Variants in LRFN2 observed in about 807,000 individuals in gnomAD.
The protein encoded by LRFN2 is leucine-rich repeat and fibronectin type-III domain-containing protein 2.
In LRFN2, 18 loss-of-function variants were observed where a neutral mutation model predicts 37.3. The observed-to-expected ratio is 0.48, with a 90% CI of 0.33 to 0.72. LRFN2 has a LOEUF of 0.72. Among genes scored for constraint, LRFN2 ranks in the 30% least tolerant of loss-of-function variants. LRFN2 has a pLI of 0.02. For synonymous variants in LRFN2, 556 were observed against 466.6 expected (o/e 1.19, Z -2.47); for missense variants, 1,006 against 1,060.7 (o/e 0.95, Z 0.72).
intron 1 of LRFN2, among the ~76,000 whole-genome samples, chr6:40,451,328 T>C (rs187758842): frequency 3.8e-4 from 58 of 152,324 alleles, no homozygotes; most frequent in African/African-American, 1.2e-3. Context: ...GGACCATTAC[T>C]TGTCTGTCTG....
At chr6:40,469,014 A>C (rs1222875096) in intron 1 of LRFN2, among the ~76,000 whole-genome samples, 1 of 152,210 alleles carries the variant, frequency 6.6e-6, no homozygotes, top group Non-Finnish European at 1.5e-5. Context: ...CCTTATCTAA[A>C]AAAAGGGTAT....
chr6:40,404,901 T>G (rs1440972557), intron 2 of LRFN2, among the ~76,000 whole-genome samples: 3 of 152,176 alleles, frequency 2.0e-5, no homozygotes, highest in Non-Finnish European at 4.4e-5. Flanking sequence ...CAGCGTGCCC[T>G]CTCTGGGATT....
At chr6:40,581,828 G>T (rs1767410318) in intron 1 of LRFN2, among the ~76,000 whole-genome samples, 1 of 152,102 alleles carries the variant, frequency 6.6e-6, no homozygotes, top group Admixed American at 6.5e-5. Flanking sequence ...AGGCTGAGTG[G>T]CCACATTTCA....
At chr6:40,504,116 G>A (rs759880910) in intron 1 of LRFN2, among the ~76,000 whole-genome samples, 11 of 152,190 alleles carry the variant, frequency 7.2e-5, no homozygotes, top group Non-Finnish European at 1.0e-4. Flanking sequence ...AAAGACCAAT[G>A]CAGACAGCAG....
chr6:40,402,146 C>T (rs565507752), intron 2 of LRFN2, among the ~76,000 whole-genome samples: 3 of 152,196 alleles, frequency 2.0e-5, no homozygotes, highest in Non-Finnish European at 4.4e-5. Flanking sequence ...AGTGTTGTTC[C>T]ATCCTGCATA....
In LRFN2 at chr6:40,418,501, C is replaced by T. The variant is rs185150793; in HGVS notation, c.1400+13213G>A. Among the ~76,000 whole-genome samples the T allele has an allele frequency of 1.1e-3, 175 of 152,294 alleles. 1 individual carries two copies. Among genetic ancestry groups the T allele is most frequent in the Non-Finnish European group, 1.4e-3 (92 of 68,026 alleles). On this transcript the variant is annotated intron_variant, in intron 2 of 2. Transcript: ENST00000338305. ...AGAGCTGTGCCTGTCTTTTCCCAAT[C>T]CTGAGGTCTTGACCAGACAATAAAT...
chr6:40,449,397 T>G (rs1230522027), intron 1 of LRFN2, among the ~76,000 whole-genome samples: 1 of 152,238 alleles, frequency 6.6e-6, no homozygotes, highest in Non-Finnish European at 1.5e-5. Context: ...CCAGCCTCCC[T>G]TGTACTCAGT....
In LRFN2 at chr6:40,472,556, G is replaced by A. The variant is rs189631818; in HGVS notation, c.-18-39425C>T. Among the ~76,000 whole-genome samples, 765 of 152,228 alleles carry A rather than the reference G, an allele frequency of 5.0e-3. 17 individuals carry two copies. Among genetic ancestry groups the A allele is most frequent in the Admixed American group, 0.043 (659 of 15,294 alleles). The stretch of plus-strand genomic sequence containing the variant: ...TTGGGGGGCCTGTGGGGTAACCCTC[G>A]CCACCTGCTAGCATTCAGATTCACC... On this transcript the variant is annotated intron_variant, in intron 1 of 2. Coordinates refer to ENST00000338305, the MANE Select transcript of LRFN2 (RefSeq NM_020737.3).
At chr6:40,463,976 A>T (rs73732650) in intron 1 of LRFN2, among the ~76,000 whole-genome samples, 5 of 152,086 alleles carry the variant, frequency 3.3e-5, no homozygotes, top group African/African-American at 4.8e-5. Flanking sequence ...TTGAACAATG[A>T]CCTGCCTTTA....
At chr6:40,545,101 A>T (rs114898143) in intron 1 of LRFN2, among the ~76,000 whole-genome samples, 1 of 152,332 alleles carries the variant, frequency 6.6e-6, no homozygotes, top group African/African-American at 2.4e-5. Context: ...ACCTTGTGGA[A>T]TTATTGAGAG....
At chr6:40,487,383 A>T (rs1295411761) in intron 1 of LRFN2, among the ~76,000 whole-genome samples, 1 of 152,150 alleles carries the variant, frequency 6.6e-6, no homozygotes, top group Non-Finnish European at 1.5e-5. Context: ...TGACATCACC[A>T]CTGGGGTGCC....
rs765288706 is a variant in LRFN2 at position 40,392,500 on chromosome 6, G to A, written c.1813C>T (p.Arg605Cys). Residue 605 changes from arginine (R) to cysteine (C), a missense_variant, in exon 3 of 3, where the codon CGC (arginine) becomes TGC (cysteine). Physicochemically the swap from Arg to Cys is radical, Grantham distance 180. Coordinates refer to ENST00000338305, the MANE Select transcript of LRFN2 (RefSeq NM_020737.3). The surrounding 1 kb of genome is among the most constrained non-coding windows in gnomAD (Gnocchi z 4.7). ...GCGGTGAAGTCCAGGAGCTCGTTGC[G>A]CACCACCACCTTCGGCGGGCCCTGC... is the stretch of plus-strand genomic sequence containing the variant. ...PPQGPPKVVV[R>C]NELLDFTASL... 2.1e-5 allele frequency: 33 copies of A among 1,583,712 alleles called. No individual in the cohort carries two copies. The highest frequency in any genetic ancestry group is 2.5e-5 in the Non-Finnish European group (29 of 1,166,430).
intron 1 of LRFN2, among the ~76,000 whole-genome samples, chr6:40,583,725 C>T (rs1041983450): frequency 6.6e-6 from 1 of 152,128 alleles, no homozygotes; most frequent in Non-Finnish European, 1.5e-5. Context: ...TGTATCCCTC[C>T]CGCTACTACA....
intron 2 of LRFN2, among the ~76,000 whole-genome samples, chr6:40,417,836 G>C (rs78431593): frequency 6.6e-6 from 1 of 152,064 alleles, no homozygotes; most frequent in Non-Finnish European, 1.5e-5. Flanking sequence ...GAAAGAAGGG[G>C]TCCTTCTCCC....
At chr6:40,577,773 TAA>T (rs766110810) in intron 1 of LRFN2, among the ~76,000 whole-genome samples, 52 of 91,082 alleles carry the variant, frequency 5.7e-4, no homozygotes, top group African/African-American at 1.9e-3. Flanking sequence ...TAAAGTATAA[TAA>T]AAAAAAAAGG....
rs533183043 is a variant in LRFN2 at position 40,441,470 on chromosome 6, A to G, written c.-18-8339T>C. Among the ~76,000 whole-genome samples, 146 of 152,196 alleles carry G rather than the reference A, an allele frequency of 9.6e-4. 1 individual carries two copies. Among genetic ancestry groups the G allele is most frequent in the African/African-American group, 3.3e-3 (136 of 41,540 alleles). On this transcript the variant is annotated intron_variant, in intron 1 of 2. Transcript: ENST00000338305. Reference sequence around the variant, plus strand: ...GGCTGTGTGGGTAAAGGAGGGCTGGATTTCACCAGTGGGGGCCTGGATGTG... The same window carrying G: ...GGCTGTGTGGGTAAAGGAGGGCTGGGTTTCACCAGTGGGGGCCTGGATGTG...
chr6:40,495,357 C>A (rs1765201037), intron 1 of LRFN2, among the ~76,000 whole-genome samples: 1 of 152,152 alleles, frequency 6.6e-6, no homozygotes, highest in African/African-American at 2.4e-5. Context: ...AATAAATATC[C>A]TTTGACACCA....
At chr6:40,410,063 C>T (rs1032591271) in intron 2 of LRFN2, among the ~76,000 whole-genome samples, 16 of 152,114 alleles carry the variant, frequency 1.1e-4, no homozygotes, top group African/African-American at 3.6e-4. Flanking sequence ...CGACCTATAG[C>T]AGGAGGTCTC....
At chr6:40,430,620 C>T (rs1763456099) in intron 2 of LRFN2, among the ~76,000 whole-genome samples, 1 of 152,248 alleles carries the variant, frequency 6.6e-6, no homozygotes, top group Non-Finnish European at 1.5e-5. Context: ...ACCTTCTTTC[C>T]TCTGAATGAC....
Sources: gnomAD v4.1 joint callset for allele counts (sites outside exome capture counted in the v4.1 genomes callset) on GRCh38, gnomAD v4.1.1 for gene constraint, Gnocchi (gnomAD v3.1) non-coding constraint, MANE v1.5 for transcripts, NCBI Gene and HGNC (gene_info 2026-07-23, HGNC 2026-07-21) for gene names.